TENM3: variants seen among roughly 807,000 people sequenced by gnomAD.
TENM3 encodes the protein teneurin transmembrane protein 3, also known as teneurin-3.
Under a neutral mutation model 255.1 loss-of-function variants are expected in TENM3, and 63 were observed. The ratio of observed to expected loss-of-function variants is 0.25; its 90% CI spans 0.20 to 0.30. The LOEUF (loss-of-function observed/expected upper bound fraction) is 0.30. Among genes scored for constraint, TENM3 ranks in the 10% least tolerant of loss-of-function variants. The probability of loss-of-function intolerance (pLI) is 1.00; values close to 1 mark genes in which losing one functional copy is unlikely to be tolerated. For synonymous variants in TENM3, 1,306 were observed against 1,322.3 expected (o/e 0.99, Z 0.27); for missense variants, 2,929 against 3,461.1 (o/e 0.85, Z 3.86).
chr4:181,705,703 C>T, the TENM3 span, among the ~76,000 whole-genome samples: 11 of 152,254 alleles, frequency 7.2e-5, no homozygotes, highest in African/African-American at 2.6e-4. Flanking sequence ...ACATGTTTAC[C>T]TGTGTAACAA....
At chr4:182,325,191 A>G (rs1394252764) in intron 2 of TENM3, among the ~76,000 whole-genome samples, 2 of 152,248 alleles carry the variant, frequency 1.3e-5, no homozygotes, top group Non-Finnish European at 2.9e-5. Context: ...GAATATATTC[A>G]TTCTTTTCCA....
chr4:181,781,198 T>C, the TENM3 span, among the ~76,000 whole-genome samples: 1 of 152,186 alleles, frequency 6.6e-6, no homozygotes, highest in Non-Finnish European at 1.5e-5. Context: ...ATTGAATCTA[T>C]AAATTACCTT....
At chr4:182,422,436 C>T (rs1770907783) in intron 3 of TENM3, among the ~76,000 whole-genome samples, 2 of 152,160 alleles carry the variant, frequency 1.3e-5, no homozygotes, top group African/African-American at 4.8e-5. Flanking sequence ...GCAACCAAGT[C>T]CCTGCTGCCT....
intron 3 of TENM3, among the ~76,000 whole-genome samples, chr4:182,598,247 T>C (rs1055455129): frequency 7.9e-5 from 12 of 152,226 alleles, no homozygotes; most frequent in Non-Finnish European, 1.2e-4. Context: ...AGACTTTGCA[T>C]GTATTCTGTT....
At chr4:182,713,417 A>T (rs921071084) in intron 12 of TENM3, among the ~76,000 whole-genome samples, 1 of 152,194 alleles carries the variant, frequency 6.6e-6, no homozygotes, top group African/African-American at 2.4e-5. Context: ...GTTAGAATAG[A>T]TGCTAAGCTG....
intron 23 of TENM3, among the ~76,000 whole-genome samples, chr4:182,774,167 CCTTT>C (rs1377887517): frequency 1.3e-5 from 2 of 152,136 alleles, no homozygotes; most frequent in African/African-American, 2.4e-5. Context: ...TTGCCATATT[CCTTT>C]CTAAATTTGA....
At chr4:182,638,745 C>T (rs1211457854) in intron 5 of TENM3, among the ~76,000 whole-genome samples, 1 of 152,170 alleles carries the variant, frequency 6.6e-6, no homozygotes. Flanking sequence ...CTGGCTCTGT[C>T]CTGGGATTGT....
At chr4:182,534,058 T>C (rs1052070218) in intron 3 of TENM3, among the ~76,000 whole-genome samples, 2 of 152,234 alleles carry the variant, frequency 1.3e-5, no homozygotes, top group Non-Finnish European at 2.9e-5. Context: ...ATTGATTCAG[T>C]AGATGCTTGC....
At chr4:181,522,752 G>A in the TENM3 span, 1 of 719,358 alleles carries the variant, frequency 1.4e-6, no homozygotes, top group African/African-American at 1.7e-5. Flanking sequence ...CTAAGAAAAT[G>A]GACCTGAGAG....
intron 6 of TENM3, 50 bp downstream of exon 6, chr4:182,653,943 C>A (rs1225458203): frequency 9.9e-6 from 15 of 1,521,798 alleles, no homozygotes; most frequent in Non-Finnish European, 1.3e-5. Flanking sequence ...CATCCCTTTT[C>A]CATAAATTTA....
chr4:182,006,144 G>A, the TENM3 span, among the ~76,000 whole-genome samples: 7 of 152,164 alleles, frequency 4.6e-5, no homozygotes, highest in South Asian at 2.1e-4. Flanking sequence ...GTCTTGTACC[G>A]GTTTTCAAAG....
chr4:181,988,627 A>C, the TENM3 span, among the ~76,000 whole-genome samples: 1 of 152,116 alleles, frequency 6.6e-6, no homozygotes, highest in Non-Finnish European at 1.5e-5. Context: ...TTATTCACTT[A>C]AATTTCACAG....
the TENM3 span, among the ~76,000 whole-genome samples, chr4:181,596,669 A>G: frequency 6.6e-6 from 1 of 152,342 alleles, no homozygotes; most frequent in Non-Finnish European, 1.5e-5. Flanking sequence ...TAGCAAAGAC[A>G]TAGAGTCAAC....
intron 3 of TENM3, among the ~76,000 whole-genome samples, chr4:182,500,436 C>G (rs182090410): frequency 6.6e-6 from 1 of 152,186 alleles, no homozygotes; most frequent in East Asian, 1.9e-4. Context: ...AATTGAAGAG[C>G]AGTGAGATAT....
At chr4:182,081,776 G>A in the TENM3 span, 1 of 151,960 alleles carries the variant, frequency 6.6e-6, no homozygotes, top group Non-Finnish European at 1.5e-5. Context: ...TAAGTGACTT[G>A]GCTCCCCGTA....
chr4:182,528,502 ATG>A lies in TENM3; in HGVS notation c.512-72418_512-72417del, dbSNP rs565442552. ...AATAGGCTATTTCTCTGATCTATGT[ATG>A]TGTTTTAGGGGAAGAGTGATTCTTT... On this transcript the variant is annotated intron_variant, in intron 3 of 27. Transcript: ENST00000511685. 1.6e-4 allele frequency among the ~76,000 whole-genome samples: 25 copies of A among 152,352 alleles called. 1 individual carries two copies. The South Asian group carries it at 5.0e-3, about 30-fold the overall frequency.
At chr4:182,066,514 A>G in the TENM3 span, among the ~76,000 whole-genome samples, 3 of 151,952 alleles carry the variant, frequency 2.0e-5, no homozygotes, top group African/African-American at 7.3e-5. Flanking sequence ...ATGGAGGCTA[A>G]AAAAATTCTT....
chr4:181,482,607 A>G, the TENM3 span, among the ~76,000 whole-genome samples: 1 of 152,104 alleles, frequency 6.6e-6, no homozygotes, highest in Admixed American at 6.6e-5. Flanking sequence ...ATTTAAAGAG[A>G]TGCTTTGTTG....
At chr4:182,002,996 C>T in the TENM3 span, among the ~76,000 whole-genome samples, 8 of 152,036 alleles carry the variant, frequency 5.3e-5, no homozygotes, top group Non-Finnish European at 1.0e-4. Context: ...ACCAGATCAA[C>T]TGACGTATTA....
Sources: allele counts gnomAD v4.1 joint callset (sites outside exome capture counted in the v4.1 genomes callset), GRCh38; gene constraint gnomAD v4.1.1; transcripts MANE v1.5; gene names NCBI Gene and HGNC (gene_info 2026-07-23, HGNC 2026-07-21).